HYCC1: variants seen among roughly 807,000 people sequenced by gnomAD.
HYCC1 encodes hyccin.
chr7:22,933,360 A>G, the HYCC1 span, among the ~76,000 whole-genome samples: 1 of 152,130 alleles, frequency 6.6e-6, no homozygotes, highest in Non-Finnish European at 1.5e-5. Flanking sequence ...AGGTGCATGC[A>G]TGTTCATAAT....
chr7:22,929,574 C>G, the HYCC1 span, among the ~76,000 whole-genome samples: 23 of 152,132 alleles, frequency 1.5e-4, no homozygotes, highest in Non-Finnish European at 2.8e-4. Context: ...TTTATGCAGC[C>G]AAAAAACACG....
At chr7:22,958,595 T>C in the HYCC1 span, among the ~76,000 whole-genome samples, 2 of 152,152 alleles carry the variant, frequency 1.3e-5, no homozygotes, top group East Asian at 3.8e-4. Flanking sequence ...TGTAAGAATC[T>C]GCTAGAAACA....
the HYCC1 span, among the ~76,000 whole-genome samples, chr7:22,957,430 A>G: frequency 6.6e-6 from 1 of 151,978 alleles, no homozygotes; most frequent in Admixed American, 6.6e-5. Context: ...GCAATAATAA[A>G]TAAAGACAAA....
the HYCC1 span, among the ~76,000 whole-genome samples, chr7:22,999,705 A>C: frequency 2.0e-5 from 3 of 152,170 alleles, no homozygotes; most frequent in African/African-American, 7.2e-5. Flanking sequence ...TTCAAATTGC[A>C]ACATTAATAA....
the HYCC1 span, among the ~76,000 whole-genome samples, chr7:22,922,842 G>C: frequency 6.6e-6 from 1 of 152,134 alleles, no homozygotes; most frequent in African/African-American, 2.4e-5. Context: ...AATGATAAAA[G>C]TGTCAACCCA....
the HYCC1 span, among the ~76,000 whole-genome samples, chr7:22,971,429 C>A: frequency 1.3e-5 from 2 of 151,146 alleles, no homozygotes; most frequent in Non-Finnish European, 1.5e-5. Context: ...TCTGTAAACA[C>A]TTTGGGAGGC....
the HYCC1 span, among the ~76,000 whole-genome samples, chr7:23,002,148 A>ATATATATATATACAAC: frequency 3.9e-5 from 1 of 25,364 alleles, no homozygotes; most frequent in African/African-American, 2.5e-4. Context: ...ATATATATAT[A>ATATATATATATACAAC]TATATATATA....
the HYCC1 span, among the ~76,000 whole-genome samples, chr7:22,988,640 T>C: frequency 1.3e-5 from 2 of 152,178 alleles, no homozygotes; most frequent in African/African-American, 2.4e-5. Flanking sequence ...TACACACATA[T>C]GTATCATATG....
the HYCC1 span, among the ~76,000 whole-genome samples, chr7:22,965,746 C>T: frequency 2.9e-3 from 442 of 152,156 alleles, 2 homozygotes; most frequent in African/African-American, 0.01. Context: ...CCCATCTCAA[C>T]CTCCCCAGTA....
At chr7:22,949,141 A>T in the HYCC1 span, among the ~76,000 whole-genome samples, 1 of 152,244 alleles carries the variant, frequency 6.6e-6, no homozygotes, top group South Asian at 2.1e-4. Context: ...AAAGCTAAGC[A>T]TAGGCCTAAT....
At chr7:22,991,835 A>G in the HYCC1 span, among the ~76,000 whole-genome samples, 1 of 152,090 alleles carries the variant, frequency 6.6e-6, no homozygotes, top group Non-Finnish European at 1.5e-5. Flanking sequence ...CCTGACGGAA[A>G]ACTTGAGCTC....
the HYCC1 span, among the ~76,000 whole-genome samples, chr7:22,924,208 C>T: frequency 0.032 from 4,771 of 148,644 alleles, 267 homozygotes; most frequent in African/African-American, 0.11. Flanking sequence ...GGGGTGGAGC[C>T]AAGATGGCCG....
At chr7:22,992,879 A>G in the HYCC1 span, among the ~76,000 whole-genome samples, 1 of 152,196 alleles carries the variant, frequency 6.6e-6, no homozygotes, top group Non-Finnish European at 1.5e-5. Context: ...TCAAAAATTA[A>G]AAGAAATCAA....
the HYCC1 span, among the ~76,000 whole-genome samples, chr7:22,899,326 A>C: frequency 6.6e-6 from 1 of 152,172 alleles, no homozygotes; most frequent in African/African-American, 2.4e-5. Context: ...GTTGTACAGC[A>C]TGGGGGGCCT....
the HYCC1 span, among the ~76,000 whole-genome samples, chr7:22,959,975 G>C: frequency 6.6e-6 from 1 of 152,156 alleles, no homozygotes; most frequent in Non-Finnish European, 1.5e-5. Flanking sequence ...CAAAATGTAT[G>C]AGTAATTTTA....
chr7:22,896,565 T>C, the HYCC1 span, among the ~76,000 whole-genome samples: 1 of 152,184 alleles, frequency 6.6e-6, no homozygotes, highest in African/African-American at 2.4e-5. Flanking sequence ...CTTGCTGAAG[T>C]CTCAGTGTCT....
At chr7:22,919,528 CA>C in the HYCC1 span, among the ~76,000 whole-genome samples, 1 of 148,738 alleles carries the variant, frequency 6.7e-6, no homozygotes, top group African/African-American at 2.5e-5. Flanking sequence ...GATTCTGTCT[CA>C]AAAAAAATTA....
At chr7:23,007,886 A>G in the HYCC1 span, among the ~76,000 whole-genome samples, 2 of 152,050 alleles carry the variant, frequency 1.3e-5, no homozygotes, top group African/African-American at 2.4e-5. Context: ...ATCAAACTGA[A>G]TATCTATCTT....
At chr7:22,967,576 A>C in the HYCC1 span, among the ~76,000 whole-genome samples, 3 of 152,208 alleles carry the variant, frequency 2.0e-5, no homozygotes, top group African/African-American at 7.2e-5. Flanking sequence ...GCAAAGGAGT[A>C]CCAAAATCAG....
Sources: allele counts gnomAD v4.1 joint callset (sites outside exome capture counted in the v4.1 genomes callset), GRCh38; gene constraint gnomAD v4.1.1; transcripts MANE v1.5; gene names NCBI Gene and HGNC (gene_info 2026-07-23, HGNC 2026-07-21).